The following C8orf82 variants were observed in gnomAD, a reference collection of about 807,000 sequenced individuals.
The protein encoded by C8orf82 is chromosome 8 open reading frame 82.
A neutral mutation model predicts 15.0 loss-of-function variants in C8orf82; 24 were observed. The observed-to-expected ratio is 1.60, with a 90% confidence interval of 1.16 to 2.24. The LOEUF is 2.24. Ranked by LOEUF, C8orf82 falls within the 30% of genes most tolerant of loss-of-function variation. The pLI is 0.00. For synonymous variants in C8orf82, 205 were observed against 152.2 expected, an observed-to-expected ratio of 1.35 and a Z score of -2.55; for missense variants, 388 against 317.4, an observed-to-expected ratio of 1.22 and a Z score of -1.69.
rs567414400 is a variant in C8orf82, at chr8:144,527,922, C to A, written c.205+102G>T. The stretch of plus-strand genomic sequence containing the variant: ...CAGCGGGGCTCCTGAGCGCAGGACG[C>A]CCACTCCTTGGTGCGCTGGGCCCGT... On this transcript the variant is annotated intron_variant, in intron 2 of 2. Transcript: ENST00000524821. 1.2e-3 allele frequency: 1,841 copies of A among 1,511,140 alleles called. 3 individuals carry two copies. Among genetic ancestry groups the A allele is most frequent in the Non-Finnish European group, 1.3e-3 (1,460 of 1,090,876 alleles). The allele number at this position is 1,511,140 out of a possible 1,614,324, so 93.6% of individuals were successfully genotyped here.
chr8:144,528,325 A>T (rs1816460664), intron 1 of C8orf82: 1 of 1,508,692 alleles, frequency 6.6e-7, no homozygotes, highest in African/African-American at 1.4e-5. Context: ...TCAAGTTTGT[A>T]ATCAGTTGTA....
At chr8:144,528,552 C>G in intron 1 of C8orf82, 1 of 1,316,806 alleles carries the variant, frequency 7.6e-7, no homozygotes, top group Admixed American at 3.1e-5. Context: ...CGACCCAACT[C>G]CCCGTCTTTC....
rs992784258 is a variant in C8orf82, at chr8:144,526,801, T to C, written c.*541A>G. ...CTCCTCTGCTACCCACGAGAGCCGG[T>C]TGATTTTCGGCCGGGCTCAGGGAGG... is the stretch of plus-strand genomic sequence containing the variant. On this transcript the variant is annotated 3_prime_UTR_variant, in exon 3 of 3. Transcript: ENST00000524821. 5 of 152,340 alleles carry C rather than the reference T, an allele frequency of 3.3e-5. No homozygotes were observed. Among genetic ancestry groups the C allele is most frequent in the East Asian group, 1.9e-4 (1 of 5,170 alleles). 9.4% of individuals were successfully genotyped at this position (152,340 alleles called of 1,614,324 possible).
intron 1 of C8orf82, 100 bp from the exon 2 acceptor site, chr8:144,528,172 G>A: frequency 6.5e-7 from 1 of 1,549,736 alleles, no homozygotes. Context: ...ACCGGCCCGA[G>A]CCCACTTTTC....
chr8:144,529,035 G>T lies in C8orf82; in HGVS notation c.-119C>A. Reference sequence around the variant, plus strand: ...CGGCGGCGCCCGCCTCCGCGACCCGGGCCCGGCGCTCTTCCCTCTCCCTCG... The same window carrying T: ...CGGCGGCGCCCGCCTCCGCGACCCGTGCCCGGCGCTCTTCCCTCTCCCTCG... On this transcript the variant is annotated 5_prime_UTR_variant, in exon 1 of 3. Transcript: ENST00000524821. The T allele has an allele frequency of 9.2e-7, 1 of 1,081,944 alleles. No individual in the cohort carries two copies. The highest frequency in any genetic ancestry group is 1.2e-6 in the Non-Finnish European group (1 of 820,028). The allele number at this position is 1,081,944 out of a possible 1,614,324, so 67.0% of individuals were successfully genotyped here.
chr8:144,527,203 C>T lies in C8orf82; in HGVS notation c.*139G>A. On this transcript the variant is annotated 3_prime_UTR_variant, in exon 3 of 3. Transcript: ENST00000524821. ...CGGGCCGCGGCAGCACCAAGGACAG[C>T]GCCGGGTGGGGGCGGGGCCGAGCGC... 1.9e-6 allele frequency: 1 copy of T among 515,480 alleles called. No individual in the cohort carries two copies. Among genetic ancestry groups the T allele is most frequent in the Non-Finnish European group, 2.7e-6 (1 of 370,198 alleles). 31.9% of individuals were successfully genotyped at this position (515,480 alleles called of 1,614,324 possible).
At chr8:144,528,287 A>G (rs1816458759) in intron 1 of C8orf82, 2 of 1,507,716 alleles carry the variant, frequency 1.3e-6, no homozygotes, top group African/African-American at 2.8e-5. Context: ...CTGGTCAGCC[A>G]ATTCTTTCCC....
At chr8:144,528,216 G>A in intron 1 of C8orf82, 144 bp from the exon 2 acceptor site, 1 of 1,489,596 alleles carries the variant, frequency 6.7e-7, no homozygotes. Context: ...GCAGGGAGGC[G>A]CGTGAAAGGT....
At chr8:144,528,405 C>CAA (rs1172643553) in intron 1 of C8orf82, 1 of 1,490,868 alleles carries the variant, frequency 6.7e-7, no homozygotes, top group South Asian at 1.2e-5. Context: ...ACAGGGCTTC[C>CAA]AAAAAAAGGC....
At chr8:144,528,347 G>A (rs1480277708) in intron 1 of C8orf82, 1 of 1,508,870 alleles carries the variant, frequency 6.6e-7, no homozygotes, top group Non-Finnish European at 8.9e-7. Flanking sequence ...CACCTCCTCC[G>A]CGGAGACTAC....
intron 1 of C8orf82, 119 bp downstream of exon 1, chr8:144,528,641 GT>G (rs1312683906): frequency 8.6e-6 from 3 of 347,470 alleles, no homozygotes; most frequent in Non-Finnish European, 1.0e-5. Flanking sequence ...CCCCTGGAAC[GT>G]CCCTCCGGCC....
Position 144,527,407 on chromosome 8 carries a change from G to T in C8orf82, c.586C>A (p.Gln196Lys). The change falls in exon 3 of 3, where the codon CAG becomes AAG. Residue 196 changes from glutamine to lysine, a missense_variant. Physicochemically the swap from Gln to Lys is moderately conservative, Grantham distance 53. Coordinates refer to ENST00000524821, the MANE Select transcript of C8orf82 (RefSeq NM_001001795.2). ...ATGGTGAGGGCGAGGCGGCGGCCCT[G>T]CCAGCGCACGTGCGAGGGCAGCGCA... ...APALPSHVRW[Q>K]GRRLALTMDL... 8.1e-7 allele frequency: 1 copy of T among 1,242,096 alleles called. No homozygotes were observed. The highest frequency in any genetic ancestry group is 1.0e-6 in the Non-Finnish European group (1 of 988,872). The allele number at this position is 1,242,096 out of a possible 1,614,324, so 76.9% of individuals were successfully genotyped here.
Position 144,527,573 on chromosome 8 carries a change from G to C in C8orf82, c.420C>G (p.Phe140Leu). The change falls in exon 3 of 3, where the codon TTC (phenylalanine) becomes TTG (leucine). Residue 140 changes from phenylalanine (F) to leucine (L), a missense_variant. Coordinates refer to ENST00000524821, the MANE Select transcript of C8orf82 (RefSeq NM_001001795.2). ...CGGGEALAVP[F>L]EPARLLPLAA... The stretch of plus-strand genomic sequence containing the variant: ...CCAGGGGCAGCAGGCGCGCCGGCTC[G>C]AAGGGCACGGCCAGGGCCTCGCCAC... The C allele has an allele frequency of 6.8e-7, 1 of 1,468,524 alleles. No homozygotes were observed. The highest frequency in any genetic ancestry group is 9.0e-7 in the Non-Finnish European group (1 of 1,117,002). 91.0% of individuals were successfully genotyped at this position (1,468,524 alleles called of 1,614,324 possible).
At chr8:144,528,687 ACG>A (rs1296837827) in intron 1 of C8orf82, 72 bp downstream of exon 1, 2 of 30,354 alleles carry the variant, frequency 6.6e-5, no homozygotes, top group Admixed American at 6.2e-4. Context: ...CCACAGAGCC[ACG>A]CCCCCCCCCC....
At chr8:144,527,992 A>C in intron 2 of C8orf82, 32 bp downstream of exon 2, 2 of 1,609,790 alleles carry the variant, frequency 1.2e-6, no homozygotes, top group Non-Finnish European at 1.7e-6. Context: ...GAAGGGAGAA[A>C]GAAGGGGCTG....
Position 144,529,060 on chromosome 8 carries a change from G to GA in C8orf82, c.-145_-144insT. The GA allele has an allele frequency of 3.8e-6, 3 of 782,112 alleles. No individual in the cohort carries two copies. The highest frequency in any genetic ancestry group is 5.4e-6 in the Non-Finnish European group (3 of 553,472). 48.4% of individuals were successfully genotyped at this position (782,112 alleles called of 1,614,324 possible). A position where few individuals can be genotyped will look rare whatever the true frequency, so the allele number is the denominator to read the frequency against. ...GGCCCGGCGCTCTTCCCTCTCCCTC[G>GA]GGCCTCGGGGGCTCGCCCGCCCTGG... On this transcript the variant is annotated 5_prime_UTR_variant, in exon 1 of 3. Coordinates refer to ENST00000524821, the MANE Select transcript of C8orf82 (RefSeq NM_001001795.2).
chr8:144,527,009 GC>G lies in C8orf82; in HGVS notation c.*332del, dbSNP rs1816388471. The G allele has an allele frequency of 6.5e-6, 1 of 154,036 alleles. No homozygotes were observed. Among genetic ancestry groups the G allele is most frequent in the African/African-American group, 2.4e-5 (1 of 41,248 alleles). 9.5% of individuals were successfully genotyped at this position (154,036 alleles called of 1,614,324 possible). On this transcript the variant is annotated 3_prime_UTR_variant, in exon 3 of 3. Transcript: ENST00000524821. Reference sequence around the variant, plus strand: ...CCCCCGCCGTGCAGGTGGCGGCCGGGCCCGAGCAGTCGCCGGGCTGGGAGGG... The same window carrying G: ...CCCCCGCCGTGCAGGTGGCGGCCGGGCCGAGCAGTCGCCGGGCTGGGAGGG...
Position 144,529,110 on chromosome 8 carries a change from A to T in C8orf82, c.-194T>A, listed in dbSNP as rs1816531607. The T allele has an allele frequency of 2.0e-6, 1 of 492,574 alleles. No homozygotes were observed. The highest frequency in any genetic ancestry group is 3.3e-6 in the Non-Finnish European group (1 of 298,650). 30.5% of individuals were successfully genotyped at this position (492,574 alleles called of 1,614,324 possible). On this transcript the variant is annotated 5_prime_UTR_variant, in exon 1 of 3. Coordinates refer to ENST00000524821, the MANE Select transcript of C8orf82 (RefSeq NM_001001795.2). ...GCCTTCCGAGAGGCGTGTGCCGGTG[A>T]CGCCCCTTCCGGTCCGCCCCGCGTC...
intron 1 of C8orf82, chr8:144,528,358 C>G (rs949159819): frequency 4.0e-6 from 6 of 1,505,472 alleles, no homozygotes; most frequent in Non-Finnish European, 5.3e-6. Context: ...CGGAGACTAC[C>G]TGGCCTGCTG....
Sources: gnomAD v4.1 joint callset for allele counts on GRCh38, gnomAD v4.1.1 for gene constraint, MANE v1.5 for transcripts, NCBI Gene and HGNC (gene_info 2026-07-23, HGNC 2026-07-21) for gene names.